CASP10: variants seen among roughly 807,000 people sequenced by gnomAD.
CASP10 encodes caspase-10.
A neutral mutation model predicts 48.5 loss-of-function variants in CASP10; 41 were observed. That is an observed-to-expected ratio of 0.85 (90% CI 0.66 to 1.10). The LOEUF is 1.10. Ranked by LOEUF, CASP10 falls within the 50% of genes least tolerant of loss-of-function variation. CASP10 has a pLI of 0.00. For missense variants in CASP10, 614 were observed against 614.5 expected (o/e 1.00, Z 0.01); for synonymous variants, 232 against 238.4 (o/e 0.97, Z 0.25).
chr2:201,209,784 T>C (rs1945336636), intron 9 of CASP10, among the ~76,000 whole-genome samples: 1 of 152,072 alleles, frequency 6.6e-6, no homozygotes, highest in South Asian at 2.1e-4. Flanking sequence ...TCCATCCATC[T>C]GTCCATCCAT....
At position 201,209,439 on chromosome 2, in the gene CASP10, C is replaced by T; in HGVS notation, c.1292C>T (p.Pro431Leu). 6.2e-7 allele frequency: 1 copy of T among 1,614,094 alleles called. No homozygotes were observed. Among genetic ancestry groups the T allele is most frequent in the South Asian group, 1.1e-5 (1 of 91,078 alleles). Residue 431 changes from proline to leucine, a missense_variant, in exon 9 of 10, where the codon CCT becomes CTT. Transcript: ENST00000286186. Reference protein sequence around the residue: ...QAPTSLQDSIPAEADFLLGLA... With the variant: ...QAPTSLQDSILAEADFLLGLA... ...CCCACTTCCCTGCAGGACAGTATTCCTGCCGAGGCTGACTTCCTACTTGGT... is the reference window on the plus strand; with the variant it reads ...CCCACTTCCCTGCAGGACAGTATTCTTGCCGAGGCTGACTTCCTACTTGGT...
downstream of CASP10, among the ~76,000 whole-genome samples, chr2:201,226,254 A>C (rs141526124): frequency 6.6e-6 from 1 of 152,202 alleles, no homozygotes; most frequent in Non-Finnish European, 1.5e-5. Context: ...ATACAGCCAC[A>C]GTGAGATAGC....
At chr2:201,223,198 T>C (rs971506845), downstream of CASP10, among the ~76,000 whole-genome samples, 1 of 152,214 alleles carries the variant, frequency 6.6e-6, no homozygotes, top group Admixed American at 6.5e-5. Flanking sequence ...GACCTTTTAA[T>C]GTAGTGTGGA....
intron 1 of CASP10, among the ~76,000 whole-genome samples, chr2:201,184,455 T>G (rs1379290804): frequency 6.6e-6 from 1 of 151,684 alleles, no homozygotes; most frequent in African/African-American, 2.4e-5. Context: ...CTCTGAGTAG[T>G]TGGGACCACA....
chr2:201,201,982 C>T (rs2126034975), intron 5 of CASP10, among the ~76,000 whole-genome samples: 1 of 152,330 alleles, frequency 6.6e-6, no homozygotes, highest in Non-Finnish European at 1.5e-5. Flanking sequence ...TCCTGAGTAG[C>T]TGGGATTACA....
chr2:201,217,775 G>C lies in CASP10; in HGVS notation c.*34G>C. The C allele has an allele frequency of 6.2e-7, 1 of 1,613,502 alleles. No homozygotes were observed. The highest frequency in any genetic ancestry group is 8.5e-7 in the Non-Finnish European group (1 of 1,179,616). On this transcript the variant is annotated 3_prime_UTR_variant, in exon 10 of 10. Transcript: ENST00000286186. ...TTTTGTTGGTTCTTAGACCTCAAACGAATCATTGGCTATAACCTCCAGCCT... is the reference window on the plus strand; with the variant it reads ...TTTTGTTGGTTCTTAGACCTCAAACCAATCATTGGCTATAACCTCCAGCCT...
chr2:201,203,702 T>C lies in CASP10; in HGVS notation c.685-28T>C, dbSNP rs1325307249. 3 of 1,607,552 alleles carry C rather than the reference T, an allele frequency of 1.9e-6. No individual in the cohort carries two copies. The South Asian group carries it at 3.3e-5, about 18-fold the overall frequency. On this transcript the variant is annotated intron_variant, in intron 5 of 9. Coordinates refer to ENST00000286186, the MANE Select transcript of CASP10 (RefSeq NM_032977.4). The stretch of plus-strand genomic sequence containing the variant: ...ATCCTAACTGTGTGAAATTCCTATG[T>C]TTCATGCCCTCCTTTCTTTTTTCTC...
intron 9 of CASP10, among the ~76,000 whole-genome samples, chr2:201,211,987 C>T (rs1221719186): frequency 6.6e-6 from 1 of 151,982 alleles, no homozygotes; most frequent in East Asian, 1.9e-4. Flanking sequence ...ACATCTTGCT[C>T]TGTCAGGCTG....
downstream of CASP10, among the ~76,000 whole-genome samples, chr2:201,222,790 A>T (rs1945742433): frequency 6.6e-6 from 1 of 152,200 alleles, no homozygotes; most frequent in Admixed American, 6.5e-5. Context: ...AGTGACTGGT[A>T]TAACACAATG....
chr2:201,215,428 G>T (rs1945541298), intron 9 of CASP10, among the ~76,000 whole-genome samples: 1 of 151,926 alleles, frequency 6.6e-6, no homozygotes, highest in Non-Finnish European at 1.5e-5. Flanking sequence ...GTTGGTTTTT[G>T]TTTATGGTGA....
chr2:201,191,018 C>A (rs1944593480), intron 3 of CASP10, among the ~76,000 whole-genome samples: 1 of 151,994 alleles, frequency 6.6e-6, no homozygotes, highest in South Asian at 2.1e-4. Context: ...CCCACCACCA[C>A]ACCCAGCTAA....
downstream of CASP10, among the ~76,000 whole-genome samples, chr2:201,224,656 A>G (rs1945766146): frequency 6.6e-6 from 1 of 152,208 alleles, no homozygotes; most frequent in Non-Finnish European, 1.5e-5. Flanking sequence ...TGTGAAACTT[A>G]CATGTCTCAG....
intron 2 of CASP10, among the ~76,000 whole-genome samples, chr2:201,186,951 G>A (rs780906139): frequency 1.3e-5 from 2 of 152,204 alleles, no homozygotes; most frequent in Admixed American, 6.5e-5. Context: ...GCCTCCCAAA[G>A]TGCTGGGATT....
rs1043719761 is a variant in CASP10, at chr2:201,220,023, C to A, written c.*2282C>A. 2.2e-5 allele frequency: 22 copies of A among 985,376 alleles called. No homozygotes were observed. The African/African-American group carries it at 3.7e-4, about 16-fold the overall frequency. 61.0% of individuals were successfully genotyped at this position (985,376 alleles called of 1,614,324 possible). A position where few individuals can be genotyped will look rare whatever the true frequency, so the allele number is the denominator to read the frequency against. ...GAACAACAACTCTCAGTGGTGCCTG[C>A]ATTTATAATTATTTATGTGAAAGTC... is the stretch of plus-strand genomic sequence containing the variant. On this transcript the variant is annotated 3_prime_UTR_variant, in exon 10 of 10. Coordinates refer to ENST00000286186, the MANE Select transcript of CASP10 (RefSeq NM_032977.4).
chr2:201,207,477 G>A (rs542432587), intron 7 of CASP10, among the ~76,000 whole-genome samples: 35 of 152,028 alleles, frequency 2.3e-4, no homozygotes, highest in Admixed American at 7.2e-4. Context: ...AAAAATTATC[G>A]GCTGGGCGCG....
chr2:201,203,804 G>A (rs781525231), intron 6 of CASP10, 38 bp downstream of exon 6: 1 of 1,513,990 alleles, frequency 6.6e-7, no homozygotes, highest in African/African-American at 1.4e-5. Context: ...ACTTAGATCG[G>A]TATGGTAGGG....
chr2:201,209,041 CTTT>C (rs377760707), intron 8 of CASP10, 26 bp from the exon 9 acceptor site: 1,354 of 1,304,750 alleles, frequency 1.0e-3, no homozygotes, highest in Non-Finnish European at 1.1e-3. Flanking sequence ...CTCTCTCTCT[CTTT>C]TTTTTTTTTT....
chr2:201,206,199 G>A, intron 7 of CASP10: 2 of 433,110 alleles, frequency 4.6e-6, no homozygotes, highest in Non-Finnish European at 4.2e-6. Context: ...TTTGACTGTG[G>A]AGGAAATGCT....
intron 5 of CASP10, chr2:201,200,694 A>C (rs1944987970): frequency 7.6e-7 from 1 of 1,318,938 alleles, no homozygotes; most frequent in Non-Finnish European, 9.7e-7. Flanking sequence ...TAAGAGATTA[A>C]GTACATCCTT....
Sources: gnomAD v4.1 joint callset for allele counts (sites outside exome capture counted in the v4.1 genomes callset) on GRCh38, gnomAD v4.1.1 for gene constraint, MANE v1.5 for transcripts, NCBI Gene and HGNC (gene_info 2026-07-23, HGNC 2026-07-21) for gene names.